The following MGAT4C variants were observed in gnomAD, a reference collection of about 807,000 sequenced individuals.
The protein encoded by MGAT4C is MGAT4 family member C.
Under a neutral mutation model 40.1 loss-of-function variants are expected in MGAT4C, and 19 were observed. That is an observed-to-expected ratio of 0.47 (90% CI 0.33 to 0.70). MGAT4C has a LOEUF of 0.70. MGAT4C is among the 30% of genes least tolerant of loss of function. The pLI, the probability that MGAT4C is intolerant of heterozygous loss-of-function variation, is 0.02. For missense variants in MGAT4C, 491 were observed against 563.2 expected, an observed-to-expected ratio of 0.87 and a Z score of 1.30; for synonymous variants, 181 against 187.1, an observed-to-expected ratio of 0.97 and a Z score of 0.27.
chr12:86,446,581 T>G (rs1008868576), intron 2 of MGAT4C, among the ~76,000 whole-genome samples: 1 of 147,470 alleles, frequency 6.8e-6, no homozygotes, highest in African/African-American at 2.5e-5. Flanking sequence ...ATGAATACCA[T>G]GCATTATTTT....
At chr12:86,830,034 T>C (rs746913304) in intron 1 of MGAT4C, among the ~76,000 whole-genome samples, 3 of 151,426 alleles carry the variant, frequency 2.0e-5, no homozygotes, top group South Asian at 2.1e-4. Flanking sequence ...CTCATGAACA[T>C]ATAGGGTAAA....
intron 2 of MGAT4C, among the ~76,000 whole-genome samples, chr12:86,614,397 T>G (rs982425815): frequency 9.2e-5 from 14 of 152,266 alleles, no homozygotes; most frequent in African/African-American, 3.1e-4. Flanking sequence ...GCAGTGAGTG[T>G]GGGATAAAAG....
intron 1 of MGAT4C, among the ~76,000 whole-genome samples, chr12:86,192,920 T>C (rs1889690555): frequency 6.6e-6 from 1 of 152,164 alleles, no homozygotes; most frequent in Admixed American, 6.5e-5. Context: ...TGTAGCATTA[T>C]GAAATGTGTC....
intron 2 of MGAT4C, among the ~76,000 whole-genome samples, chr12:86,511,073 T>C (rs967761188): frequency 1.3e-5 from 2 of 152,086 alleles, no homozygotes; most frequent in Non-Finnish European, 2.9e-5. Context: ...TATTCCACAA[T>C]TGACCACATA....
intron 2 of MGAT4C, among the ~76,000 whole-genome samples, chr12:86,014,977 T>TC (rs1013175418): frequency 4.7e-5 from 7 of 148,124 alleles, no homozygotes; most frequent in Non-Finnish European, 1.5e-5. Context: ...TTTCTTTCTT[T>TC]CTTTTTTTTT....
chr12:86,667,871 T>C (rs2136559110), intron 2 of MGAT4C, among the ~76,000 whole-genome samples: 1 of 152,314 alleles, frequency 6.6e-6, no homozygotes, highest in African/African-American at 2.4e-5. Context: ...ATATAAAATA[T>C]GTGTAGCAAG....
At chr12:86,195,769 A>G (rs1230414356) in intron 1 of MGAT4C, among the ~76,000 whole-genome samples, 1 of 152,156 alleles carries the variant, frequency 6.6e-6, no homozygotes, top group East Asian at 1.9e-4. Context: ...AGATTATCAG[A>G]TTAACTGAAT....
intron 4 of MGAT4C, among the ~76,000 whole-genome samples, chr12:86,317,427 T>C (rs1399924382): frequency 6.6e-6 from 1 of 152,112 alleles, no homozygotes; most frequent in Non-Finnish European, 1.5e-5. Context: ...GAAAGGCAGG[T>C]ATTCTCTAAA....
At chr12:86,821,955 TAA>T (rs779268165) in intron 1 of MGAT4C, among the ~76,000 whole-genome samples, 2 of 150,334 alleles carry the variant, frequency 1.3e-5, no homozygotes, top group Non-Finnish European at 3.0e-5. Context: ...TTAATTGTAG[TAA>T]AAAAGTTAAA....
At chr12:86,776,118 G>A (rs1951745226) in intron 1 of MGAT4C, among the ~76,000 whole-genome samples, 1 of 151,952 alleles carries the variant, frequency 6.6e-6, no homozygotes, top group Admixed American at 6.6e-5. Flanking sequence ...TATAGAGCCT[G>A]ATGATTGAGT....
At chr12:86,293,217 C>T (rs1190640105) in intron 4 of MGAT4C, among the ~76,000 whole-genome samples, 1 of 151,782 alleles carries the variant, frequency 6.6e-6, no homozygotes, top group African/African-American at 2.4e-5. Flanking sequence ...TCAGTGTGTG[C>T]ATGGAGACAG....
At chr12:86,771,976 A>G (rs1285304513) in intron 1 of MGAT4C, among the ~76,000 whole-genome samples, 1 of 152,190 alleles carries the variant, frequency 6.6e-6, no homozygotes, top group East Asian at 1.9e-4. Flanking sequence ...ATGGCAAAAT[A>G]CTAAAGGAGA....
chr12:86,485,360 G>A (rs895588365), intron 2 of MGAT4C, among the ~76,000 whole-genome samples: 1 of 152,026 alleles, frequency 6.6e-6, no homozygotes, highest in African/African-American at 2.4e-5. Flanking sequence ...TCTAAGAGCT[G>A]AGGAAAAAAG....
At chr12:86,773,942 CTTCTTTTTTTTT>C (rs1951683247) in intron 1 of MGAT4C, among the ~76,000 whole-genome samples, 1 of 106,520 alleles carries the variant, frequency 9.4e-6, no homozygotes, top group Non-Finnish European at 1.9e-5. Flanking sequence ...TTTAAAGTAA[CTTCTTTTTTTTT>C]TTTTTTTTTT....
At chr12:86,628,549 C>T (rs776724051) in intron 2 of MGAT4C, among the ~76,000 whole-genome samples, 16 of 152,080 alleles carry the variant, frequency 1.1e-4, no homozygotes, top group East Asian at 1.9e-4. Flanking sequence ...GCAGATCTGT[C>T]GGCAGAAACT....
At chr12:86,792,738 C>T (rs1297340691) in intron 1 of MGAT4C, among the ~76,000 whole-genome samples, 2 of 152,040 alleles carry the variant, frequency 1.3e-5, no homozygotes, top group Non-Finnish European at 2.9e-5. Context: ...TCAAGACCAG[C>T]GCAAACAACA....
chr12:86,538,456 C>T (rs1959111321), intron 2 of MGAT4C, among the ~76,000 whole-genome samples: 2 of 152,204 alleles, frequency 1.3e-5, no homozygotes, highest in South Asian at 4.2e-4. Flanking sequence ...TTCAGTAATG[C>T]CTGATGAGTT....
At chr12:86,307,365 A>G in intron 4 of MGAT4C, among the ~76,000 whole-genome samples, 1 of 147,288 alleles carries the variant, frequency 6.8e-6, no homozygotes, top group East Asian at 1.9e-4. Flanking sequence ...TCTTATTTTA[A>G]TCTTACTTAA....
intron 1 of MGAT4C, among the ~76,000 whole-genome samples, chr12:86,178,649 C>G (rs577096001): frequency 6.6e-6 from 1 of 152,282 alleles, no homozygotes; most frequent in African/African-American, 2.4e-5. Context: ...ATTAGTTAAG[C>G]TAATGACTGC....
Sources: gnomAD v4.1 joint callset for allele counts (sites outside exome capture counted in the v4.1 genomes callset) on GRCh38, gnomAD v4.1.1 for gene constraint, MANE v1.5 for transcripts, NCBI Gene and HGNC (gene_info 2026-07-23, HGNC 2026-07-21) for gene names.